SLX4IP: variants seen among roughly 807,000 people sequenced by gnomAD.
The protein encoded by SLX4IP is SLX4 interacting protein.
SLX4IP carries 34 observed loss-of-function variants against 32.9 expected under a neutral mutation model. The ratio of observed to expected loss-of-function variants is 1.03; its 90% CI spans 0.79 to 1.38. SLX4IP has a LOEUF of 1.38. SLX4IP is among the 40% of genes most tolerant of loss of function. The probability of loss-of-function intolerance (pLI) is 0.00; values close to 1 mark genes in which losing one functional copy is unlikely to be tolerated. For missense variants in SLX4IP, 444 were observed against 479.0 expected, an observed-to-expected ratio of 0.93 and a Z score of 0.68; for synonymous variants, 172 against 171.7, an observed-to-expected ratio of 1.00 and a Z score of -0.01.
intron 4 of SLX4IP, among the ~76,000 whole-genome samples, chr20:10,588,016 A>G (rs1419392605): frequency 6.6e-6 from 1 of 152,160 alleles, no homozygotes; most frequent in African/African-American, 2.4e-5. Flanking sequence ...GCAGCAAAGG[A>G]AACAATCAAC....
chr20:10,501,867 T>C (rs939960419), intron 2 of SLX4IP, among the ~76,000 whole-genome samples: 3 of 152,252 alleles, frequency 2.0e-5, no homozygotes, highest in African/African-American at 7.2e-5. Flanking sequence ...TATAAGACTT[T>C]TAAGCAAATG....
intron 4 of SLX4IP, among the ~76,000 whole-genome samples, chr20:10,576,728 G>T (rs537239754): frequency 2.0e-5 from 3 of 152,280 alleles, no homozygotes; most frequent in Non-Finnish European, 4.4e-5. Context: ...TTGTGTGTTT[G>T]TGTGTGTGTA....
intron 1 of SLX4IP, among the ~76,000 whole-genome samples, chr20:10,451,901 G>A (rs578125374): frequency 6.6e-6 from 1 of 152,024 alleles, no homozygotes; most frequent in East Asian, 2.0e-4. Context: ...CCAGGAGGTG[G>A]AAGTTGCAGT....
At chr20:10,613,523 G>A (rs2066991929) in intron 6 of SLX4IP, 1 of 1,608,746 alleles carries the variant, frequency 6.2e-7, no homozygotes, top group Non-Finnish European at 8.5e-7. Context: ...CCAGAAAATT[G>A]TCCATTTCCT....
At chr20:10,440,221 G>A (rs1045229708) in intron 1 of SLX4IP, among the ~76,000 whole-genome samples, 2 of 151,476 alleles carry the variant, frequency 1.3e-5, no homozygotes, top group East Asian at 1.9e-4. Flanking sequence ...TTGGGAGGCC[G>A]AGGCTGGCGG....
rs192234749 is a variant in SLX4IP, at chr20:10,520,195, C to T, written c.28-36036C>T. Among the ~76,000 whole-genome samples, 911 of 152,088 alleles carry T rather than the reference C, an allele frequency of 6.0e-3. 7 individuals carry two copies. The highest frequency in any genetic ancestry group is 0.021 in the African/African-American group (853 of 41,502). On this transcript the variant is annotated intron_variant, in intron 2 of 7. Coordinates refer to ENST00000334534, the MANE Select transcript of SLX4IP (RefSeq NM_001009608.3). ...CCTCCTGAGTAGCTGGGACTACAGGCGCCCGCCACCATGCCCGGCTAATTT... is the reference window on the plus strand; with the variant it reads ...CCTCCTGAGTAGCTGGGACTACAGGTGCCCGCCACCATGCCCGGCTAATTT...
In SLX4IP at chr20:10,505,565, T is replaced by C. The variant is rs114690703; in HGVS notation, c.27+47334T>C. Among the ~76,000 whole-genome samples the C allele has an allele frequency of 4.2e-3, 647 of 152,282 alleles. 6 individuals carry two copies. Among genetic ancestry groups the C allele is most frequent in the African/African-American group, 0.015 (607 of 41,552 alleles). The stretch of plus-strand genomic sequence containing the variant: ...CTGGGCCAAGCTGAAGGAACGCCTC[T>C]CATCTCTCTCATGTTTGTACTGAAG... On this transcript the variant is annotated intron_variant, in intron 2 of 7. Coordinates refer to ENST00000334534, the MANE Select transcript of SLX4IP (RefSeq NM_001009608.3).
At chr20:10,508,234 C>T (rs76102321) in intron 2 of SLX4IP, among the ~76,000 whole-genome samples, 1,681 of 152,314 alleles carry the variant, frequency 0.011, 25 homozygotes, top group Non-Finnish European at 0.013. Context: ...GCCTACTTGG[C>T]GAGCACCTAG....
chr20:10,518,646 T>C (rs1779725304), intron 2 of SLX4IP, among the ~76,000 whole-genome samples: 1 of 151,820 alleles, frequency 6.6e-6, no homozygotes, highest in African/African-American at 2.4e-5. Flanking sequence ...CGATCTCAGC[T>C]CACTGCGACC....
chr20:10,563,158 T>C (rs1416766139), intron 4 of SLX4IP, among the ~76,000 whole-genome samples: 3 of 152,248 alleles, frequency 2.0e-5, no homozygotes, highest in African/African-American at 7.2e-5. Flanking sequence ...TCCCTGATGA[T>C]TAATAACGTT....
At chr20:10,606,328 C>T (rs565879597) in intron 6 of SLX4IP, among the ~76,000 whole-genome samples, 1 of 152,288 alleles carries the variant, frequency 6.6e-6, no homozygotes, top group Non-Finnish European at 1.5e-5. Flanking sequence ...TTTGTACCCT[C>T]ATGACAGAAT....
chr20:10,463,154 C>A (rs991820268), intron 2 of SLX4IP, among the ~76,000 whole-genome samples: 2 of 152,188 alleles, frequency 1.3e-5, no homozygotes, highest in Non-Finnish European at 2.9e-5. Context: ...ATAGGGGTAA[C>A]TGATTTTTAG....
chr20:10,609,293 AT>A, intron 6 of SLX4IP, among the ~76,000 whole-genome samples: 1 of 152,344 alleles, frequency 6.6e-6, no homozygotes, highest in Non-Finnish European at 1.5e-5. Flanking sequence ...CAGAGAGTTC[AT>A]TAGTTAGCAG....
intron 2 of SLX4IP, among the ~76,000 whole-genome samples, chr20:10,528,698 C>A (rs1344924174): frequency 1.3e-5 from 2 of 152,174 alleles, no homozygotes; most frequent in African/African-American, 4.8e-5. Context: ...ACTTGTCAGC[C>A]CCAGCCTGAA....
At chr20:10,567,356 A>G (rs530254109) in intron 4 of SLX4IP, among the ~76,000 whole-genome samples, 1 of 152,326 alleles carries the variant, frequency 6.6e-6, no homozygotes, top group East Asian at 1.9e-4. Context: ...GAGCCTTCAT[A>G]AATAGTTTAA....
At chr20:10,522,929 C>A (rs2065911698) in intron 2 of SLX4IP, among the ~76,000 whole-genome samples, 2 of 152,192 alleles carry the variant, frequency 1.3e-5, no homozygotes, top group Admixed American at 1.3e-4. Flanking sequence ...ATCCACCTCA[C>A]TGGGTGCACA....
intron 4 of SLX4IP, among the ~76,000 whole-genome samples, chr20:10,581,596 C>G (rs1197785398): frequency 6.6e-6 from 1 of 152,102 alleles, no homozygotes; most frequent in Non-Finnish European, 1.5e-5. Context: ...GTAGAAAAGT[C>G]TCACACCATG....
At chr20:10,577,909 C>T (rs1280923654) in intron 4 of SLX4IP, among the ~76,000 whole-genome samples, 2 of 152,140 alleles carry the variant, frequency 1.3e-5, no homozygotes, top group Admixed American at 6.5e-5. Flanking sequence ...TGTTGTTTAC[C>T]AGTGTGGTGG....
At chr20:10,567,113 A>G (rs1398568240) in intron 4 of SLX4IP, among the ~76,000 whole-genome samples, 2 of 152,148 alleles carry the variant, frequency 1.3e-5, no homozygotes, top group Non-Finnish European at 2.9e-5. Flanking sequence ...CAGAACATTC[A>G]TCCATGCCTC....
Sources: allele counts gnomAD v4.1 joint callset (sites outside exome capture counted in the v4.1 genomes callset), GRCh38; gene constraint gnomAD v4.1.1; transcripts MANE v1.5; gene names NCBI Gene and HGNC (gene_info 2026-07-23, HGNC 2026-07-21).